Variants in LAMC2 observed in about 807,000 individuals in gnomAD.
LAMC2 encodes laminin subunit gamma 2, also known as laminin subunit gamma-2.
LAMC2 carries 97 observed loss-of-function variants against 140.2 expected under a neutral mutation model. That is an observed-to-expected ratio of 0.69 (90% CI 0.59 to 0.82). The LOEUF (loss-of-function observed/expected upper bound fraction) is 0.82, where lower values mean the gene tolerates loss of function less well. Ranked by LOEUF, LAMC2 falls within the 40% of genes least tolerant of loss-of-function variation. The pLI is 0.00. For synonymous variants in LAMC2, 513 were observed against 540.2 expected (o/e 0.95, Z 0.70); for missense variants, 1,402 against 1,476.1 (o/e 0.95, Z 0.82).
chr1:183,231,476 C>T (rs930014889), intron 12 of LAMC2, among the ~76,000 whole-genome samples: 3 of 152,168 alleles, frequency 2.0e-5, no homozygotes, highest in African/African-American at 4.8e-5. Context: ...CCACCCATGT[C>T]CCCTAACTTA....
At chr1:183,229,323 T>TA (rs1330152046) in intron 11 of LAMC2, among the ~76,000 whole-genome samples, 1 of 152,088 alleles carries the variant, frequency 6.6e-6, no homozygotes. Context: ...GGAGTTTGTT[T>TA]ACCCTAACTT....
At chr1:183,253,904 CGTGTGTGTGTGTGTGT>C in the LAMC2 span, among the ~76,000 whole-genome samples, 22 of 144,372 alleles carry the variant, frequency 1.5e-4, no homozygotes, top group African/African-American at 5.1e-4. Context: ...GTTCCACTTC[CGTGTGTGTGTGTGTGT>C]GTGTGTGTGT....
rs748536881 is a variant in LAMC2 at position 183,220,957 on chromosome 1, T to C, written c.636T>C (p.His212=). 1.9e-6 allele frequency: 3 copies of C among 1,614,104 alleles called. No individual in the cohort carries two copies. The South Asian group carries it at 3.3e-5, about 18-fold the overall frequency. The change falls in exon 5 of 23, where the codon CAT becomes CAC. Residue 212 remains histidine, a synonymous_variant. Coordinates refer to ENST00000264144, the MANE Select transcript of LAMC2 (RefSeq NM_005562.3). ...TCCATAAGATCACCTCTACCTTTCA[T>C]CAAGGTAAAGCCTTCTATTTTCTAG... is the stretch of plus-strand genomic sequence containing the variant. The part of the protein sequence containing the change: ...YSVHKITSTF[H]QDVDGWKAVQ...
chr1:183,193,821 A>AC (rs1319697450), intron 1 of LAMC2, among the ~76,000 whole-genome samples: 1 of 144,048 alleles, frequency 6.9e-6, no homozygotes, highest in Non-Finnish European at 1.5e-5. Context: ...ATACTCCCTG[A>AC]TGTAGTCTTC....
At chr1:183,189,827 G>A (rs1290809843) in intron 1 of LAMC2, among the ~76,000 whole-genome samples, 1 of 152,200 alleles carries the variant, frequency 6.6e-6, no homozygotes, top group Non-Finnish European at 1.5e-5. Context: ...GACTATCACT[G>A]CTGGATTTAG....
At position 183,228,572 on chromosome 1, in the gene LAMC2, G is replaced by A. The variant is rs367831359; in HGVS notation, c.1667G>A (p.Gly556Asp). The part of the protein sequence containing the change: ...AGIYCDQCKA[G>D]YFGDPLAPNP... ...ATCTACTGCGACCAGTGCAAAGCAG[G>A]CTACTTCGGGGACCCATTGGCTCCC... The change falls in exon 11 of 23, where the codon GGC becomes GAC. Residue 556 changes from glycine (G) to aspartate (D), a missense_variant. By Grantham distance (94) the Gly-to-Asp change is moderately conservative (BLOSUM62 -1). Transcript: ENST00000264144. This position sits in a 1 kb window ranked among gnomAD's most constrained non-coding sequence, Gnocchi z 4.3. The A allele has an allele frequency of 1.9e-6, 3 of 1,613,938 alleles. No individual in the cohort carries two copies. The highest frequency in any genetic ancestry group is 1.7e-6 in the Non-Finnish European group (2 of 1,180,038).
chr1:183,219,749 C>T (rs1381307134), intron 4 of LAMC2, among the ~76,000 whole-genome samples: 1 of 152,198 alleles, frequency 6.6e-6, no homozygotes, highest in Non-Finnish European at 1.5e-5. Context: ...TTAGTTACAA[C>T]TGTTCTCTGA....
chr1:183,245,187 C>G (rs1333533234), downstream of LAMC2, among the ~76,000 whole-genome samples: 1 of 152,098 alleles, frequency 6.6e-6, no homozygotes, highest in African/African-American at 2.4e-5. Flanking sequence ...TTTTCATCAG[C>G]TATAAAATGA....
intron 11 of LAMC2, among the ~76,000 whole-genome samples, chr1:183,229,619 G>C (rs759938229): frequency 2.8e-5 from 4 of 143,218 alleles, no homozygotes; most frequent in African/African-American, 1.1e-4. Context: ...CCGGGCAACA[G>C]CGCAAGACTC....
At chr1:183,216,967 T>G (rs913146967) in intron 3 of LAMC2, among the ~76,000 whole-genome samples, 6 of 152,170 alleles carry the variant, frequency 3.9e-5, no homozygotes, top group African/African-American at 1.4e-4. Flanking sequence ...ACCCGGTAGA[T>G]GCTGAATACG....
At chr1:183,202,298 T>A (rs968533254) in intron 1 of LAMC2, among the ~76,000 whole-genome samples, 2 of 151,692 alleles carry the variant, frequency 1.3e-5, no homozygotes, top group African/African-American at 4.8e-5. Context: ...TACTGGCTCA[T>A]AAAGTCTGAT....
chr1:183,252,575 G>A, the LAMC2 span: 1 of 1,102,076 alleles, frequency 9.1e-7, no homozygotes. Flanking sequence ...AAACAGAGAG[G>A]CAGGAGAGAA....
rs1659663573 is a variant in LAMC2, at chr1:183,227,558, T to C, written c.1329T>C (p.Ala443=). 6.2e-7 allele frequency: 1 copy of C among 1,614,212 alleles called. No homozygotes were observed. Among genetic ancestry groups the C allele is most frequent in the Non-Finnish European group, 8.5e-7 (1 of 1,180,042 alleles). ...ATGAGAATCCTGACATTGAGTGTGCTGACTGCCCAATTGGTTTCTACAACG... is the reference window on the plus strand; with the variant it reads ...ATGAGAATCCTGACATTGAGTGTGCCGACTGCCCAATTGGTTTCTACAACG... ...SGDENPDIEC[A]DCPIGFYNDP... The change falls in exon 10 of 23, where the codon GCT becomes GCC. Residue 443 remains alanine (A), a synonymous_variant. Coordinates refer to ENST00000264144, the MANE Select transcript of LAMC2 (RefSeq NM_005562.3).
Position 183,228,666 on chromosome 1 carries a change from G to A in LAMC2, c.1714+47G>A, listed in dbSNP as rs545572924. 1.1e-5 allele frequency: 18 copies of A among 1,609,996 alleles called. No individual in the cohort carries two copies. Among genetic ancestry groups the A allele is most frequent in the African/African-American group, 8.0e-5 (6 of 74,974 alleles). On this transcript the variant is annotated intron_variant, in intron 11 of 22. Coordinates refer to ENST00000264144, the MANE Select transcript of LAMC2 (RefSeq NM_005562.3). This position sits in a 1 kb window ranked among gnomAD's most constrained non-coding sequence, Gnocchi z 4.3. The stretch of plus-strand genomic sequence containing the variant: ...GCTGTGTCTGTGCGTGCCTGTGTAC[G>A]TATGCACTTGCTTGCCATCTAAGCA...
chr1:183,216,819 G>A (rs528328408), intron 3 of LAMC2, among the ~76,000 whole-genome samples: 2 of 152,310 alleles, frequency 1.3e-5, no homozygotes, highest in African/African-American at 4.8e-5. Flanking sequence ...GGAGTGGGAA[G>A]AGGCACCTTG....
Position 183,240,320 on chromosome 1 carries a change from C to T in LAMC2, c.3257C>T (p.Thr1086Ile), listed in dbSNP as rs1262548526. The T allele has an allele frequency of 8.7e-6, 14 of 1,614,040 alleles. No homozygotes were observed. The Admixed American group carries it at 2.0e-4, about 23-fold the overall frequency. The change falls in exon 22 of 23, where the codon ACC (threonine) becomes ATC (isoleucine). Residue 1086 changes from threonine to isoleucine, a missense_variant. This residue lies in a region of LAMC2 where 670 missense variants were observed against 667.2 expected (regional missense o/e 1.00). Coordinates refer to ENST00000264144, the MANE Select transcript of LAMC2 (RefSeq NM_005562.3). ...MVITEAQKVD[T>I]RAKNAGVTIQ... ...ATTACAGAAGCCCAGAAGGTTGATA[C>T]CAGAGCCAAGAACGCTGGGGTTACA...
the LAMC2 span, among the ~76,000 whole-genome samples, chr1:183,254,695 C>G: frequency 6.6e-6 from 1 of 152,210 alleles, no homozygotes; most frequent in Non-Finnish European, 1.5e-5. Context: ...CCTCAGCCTC[C>G]CAGCGTGCTG....
downstream of LAMC2, among the ~76,000 whole-genome samples, chr1:183,245,738 T>C (rs1660227797): frequency 6.6e-6 from 1 of 152,192 alleles, no homozygotes; most frequent in African/African-American, 2.4e-5. Context: ...AGAAAATGCA[T>C]TGTCGGTGAT....
chr1:183,237,560 G>T, intron 18 of LAMC2, 56 bp downstream of exon 18: 4 of 1,398,356 alleles, frequency 2.9e-6, no homozygotes, highest in Non-Finnish European at 3.0e-6. Flanking sequence ...CCCACCATAT[G>T]AATAAATATG....
Sources: gnomAD v4.1 joint callset for allele counts (sites outside exome capture counted in the v4.1 genomes callset) on GRCh38, gnomAD v4.1.1 for gene constraint, gnomAD v4.1.1 regional missense constraint, Gnocchi (gnomAD v3.1) non-coding constraint, MANE v1.5 for transcripts, NCBI Gene and HGNC (gene_info 2026-07-23, HGNC 2026-07-21) for gene names.